EMSY: variants seen among roughly 807,000 people sequenced by gnomAD.
The protein encoded by EMSY is EMSY transcriptional repressor, BRCA2 interacting.
In EMSY, 26 loss-of-function variants were observed where a neutral mutation model predicts 134.6. The ratio of observed to expected loss-of-function variants is 0.19; its 90% CI spans 0.14 to 0.27. The LOEUF (loss-of-function observed/expected upper bound fraction) is 0.27. Ranked by LOEUF, EMSY falls within the 10% of genes least tolerant of loss-of-function variation. The probability of loss-of-function intolerance (pLI) is 1.00; values close to 1 mark genes in which losing one functional copy is unlikely to be tolerated. For missense variants in EMSY, 1,305 were observed against 1,611.4 expected (o/e 0.81, Z 3.26); for synonymous variants, 579 against 577.8 (o/e 1.00, Z -0.03).
intron 7 of EMSY, among the ~76,000 whole-genome samples, chr11:76,466,455 G>GT (rs1484792221): frequency 4.0e-5 from 6 of 151,236 alleles, no homozygotes; most frequent in Non-Finnish European, 8.8e-5. Flanking sequence ...TTTTTGTTTT[G>GT]ACCTTATAGG....
intron 4 of EMSY, 28 bp from the exon 6 acceptor site, chr11:76,458,155 T>A (rs1302997696): frequency 6.4e-7 from 1 of 1,574,768 alleles, no homozygotes; most frequent in Admixed American, 1.9e-5. Flanking sequence ...TTGAAAACCC[T>A]TGTAGCAGCG....
chr11:76,483,828 TAGAA>T (rs1949076585), intron 8 of EMSY, among the ~76,000 whole-genome samples: 1 of 152,106 alleles, frequency 6.6e-6, no homozygotes, highest in Non-Finnish European at 1.5e-5. Context: ...CTGTCAATAT[TAGAA>T]AGATCAACGA....
chr11:76,542,964 G>A (rs1474131961), intron 18 of EMSY, among the ~76,000 whole-genome samples: 1 of 152,156 alleles, frequency 6.6e-6, no homozygotes. Context: ...TTGATTTTGT[G>A]TCGGATACTG....
chr11:76,460,899 A>G (rs1423579709), intron 6 of EMSY: 1 of 152,224 alleles, frequency 6.6e-6, no homozygotes, highest in East Asian at 1.9e-4. Flanking sequence ...CCGAGACAGG[A>G]AAATTGCTTG....
At chr11:76,496,718 A>G in intron 9 of EMSY, 1 of 515,120 alleles carries the variant, frequency 1.9e-6, no homozygotes, top group East Asian at 4.1e-5. Flanking sequence ...GTTTTTTGTT[A>G]GTATATAAAA....
chr11:76,543,585 T>C (rs145023030), intron 18 of EMSY, among the ~76,000 whole-genome samples: 2 of 152,332 alleles, frequency 1.3e-5, no homozygotes, highest in East Asian at 1.9e-4. Flanking sequence ...ACAACACTTA[T>C]CACTGACACT....
intron 14 of EMSY, among the ~76,000 whole-genome samples, chr11:76,533,943 T>C (rs749676251): frequency 3.3e-5 from 5 of 152,142 alleles, no homozygotes; most frequent in Non-Finnish European, 5.9e-5. Flanking sequence ...AAGATGGGTT[T>C]TCACATAGGT....
chr11:76,498,783 G>A (rs906597941), intron 9 of EMSY, among the ~76,000 whole-genome samples: 4 of 151,988 alleles, frequency 2.6e-5, no homozygotes, highest in Non-Finnish European at 5.9e-5. Context: ...CTATTGCCTT[G>A]TAAAGTATAC....
intron 2 of EMSY, among the ~76,000 whole-genome samples, chr11:76,448,479 A>G (rs757053160): frequency 1.3e-5 from 2 of 152,148 alleles, no homozygotes; most frequent in Non-Finnish European, 2.9e-5. Context: ...CAAAGACAGT[A>G]GATTGAATTG....
At chr11:76,522,352 CTTTTTTTTTTTTTTTTTTT>C (rs71040003) in intron 11 of EMSY, among the ~76,000 whole-genome samples, 10 of 44,226 alleles carry the variant, frequency 2.3e-4, no homozygotes, top group African/African-American at 9.4e-4. Context: ...GTTTACTTTG[CTTTTTTTTTTTTTTTTTTT>C]TTTTTTTTTT....
exon 9 of EMSY, chr11:76,496,223 A>G: frequency 6.2e-7 from 1 of 1,613,860 alleles, no homozygotes; most frequent in East Asian, 2.2e-5. Context: ...AGGTGTATCT[A>G]CATCAGCAAT....
exon 20 of EMSY, chr11:76,545,935 A>G (rs1180253046): frequency 9.3e-6 from 15 of 1,614,088 alleles, no homozygotes; most frequent in Non-Finnish European, 1.0e-5. Context: ...CATATCTCCC[A>G]TTCAGGCCTC....
At chr11:76,473,711 C>A (rs1224219780) in intron 8 of EMSY, among the ~76,000 whole-genome samples, 1 of 151,952 alleles carries the variant, frequency 6.6e-6, no homozygotes, top group African/African-American at 2.4e-5. Context: ...CAGAGTAGGC[C>A]GGGCACAGTG....
rs368141663 is a variant in EMSY at position 76,521,120 on chromosome 11, A to G, written c.1685-2035A>G. ...CAAAGCCTGGAAAGCTAGGCAGAGG[A>G]GTTTGGGCTTTGTGTGGTAGGTAAC... On this transcript the variant is annotated intron_variant, in intron 11 of 20. Coordinates refer to ENST00000334736, the Ensembl canonical transcript of EMSY. 3.4e-3 allele frequency among the ~76,000 whole-genome samples: 514 copies of G among 152,314 alleles called. 2 individuals carry two copies. Among genetic ancestry groups the G allele is most frequent in the African/African-American group, 0.011 (456 of 41,574 alleles).
rs762663767 is a variant in EMSY at position 76,496,590 on chromosome 11, T to C, written c.1363+121T>C. On this transcript the variant is annotated intron_variant, in intron 9 of 20. Transcript: ENST00000334736. ...TTTAGGTCTTTGACTTTTTCATCAG[T>C]GTTTTACAGCTTTCAGCATATAGAT... 1.0e-5 allele frequency: 11 copies of C among 1,071,618 alleles called. No homozygotes were observed. The Admixed American group carries it at 1.3e-4, about 13-fold the overall frequency. The allele number at this position is 1,071,618 out of a possible 1,614,324, so 66.4% of individuals were successfully genotyped here. A position where few individuals can be genotyped will look rare whatever the true frequency, so the allele number is the denominator to read the frequency against.
intron 16 of EMSY, among the ~76,000 whole-genome samples, chr11:76,538,850 C>T (rs1294922621): frequency 4.0e-5 from 6 of 151,852 alleles, no homozygotes; most frequent in Non-Finnish European, 7.4e-5. Context: ...CCCAGCTACT[C>T]GGGAGGCTGA....
chr11:76,545,388 T>C (rs773754864), intron 19 of EMSY, among the ~76,000 whole-genome samples: 6 of 152,108 alleles, frequency 3.9e-5, no homozygotes, highest in Non-Finnish European at 7.4e-5. Flanking sequence ...TAAATACATA[T>C]ATATAGGATA....
At chr11:76,546,400 A>G in intron 20 of EMSY, 103 bp downstream of exon 21, 2 of 1,414,232 alleles carry the variant, frequency 1.4e-6, no homozygotes, top group Admixed American at 2.3e-5. Flanking sequence ...CCAAGACAGC[A>G]GGAAGACATA....
chr11:76,479,479 A>G (rs190138888), intron 8 of EMSY, among the ~76,000 whole-genome samples: 2 of 152,348 alleles, frequency 1.3e-5, no homozygotes, highest in South Asian at 2.1e-4. Context: ...GTTCCCCGCA[A>G]TGCCCCACAT....
Sources: gnomAD v4.1 joint callset for allele counts (sites outside exome capture counted in the v4.1 genomes callset) on GRCh38, gnomAD v4.1.1 for gene constraint, MANE v1.5 for transcripts, NCBI Gene and HGNC (gene_info 2026-07-23, HGNC 2026-07-21) for gene names.